MARCHF1: variants seen among roughly 807,000 people sequenced by gnomAD.
The protein encoded by MARCHF1 is E3 ubiquitin-protein ligase MARCHF1.
In MARCHF1, 40 loss-of-function variants were observed where a neutral mutation model predicts 54.2. The ratio of observed to expected loss-of-function variants is 0.74; its 90% CI spans 0.57 to 0.96. The LOEUF (loss-of-function observed/expected upper bound fraction) is 0.96. Among genes scored for constraint, MARCHF1 ranks in the 40% least tolerant of loss-of-function variants. The probability of loss-of-function intolerance (pLI) is 0.00; values close to 1 mark genes in which losing one functional copy is unlikely to be tolerated. For missense variants in MARCHF1, 586 were observed against 656.5 expected, an observed-to-expected ratio of 0.89 and a Z score of 1.17; for synonymous variants, 236 against 236.3, an observed-to-expected ratio of 1.00 and a Z score of 0.01.
intron 3 of MARCHF1, among the ~76,000 whole-genome samples, chr4:163,935,698 CTTTCTTTTTTT>C (rs1751779075): frequency 1.1e-5 from 1 of 87,124 alleles, no homozygotes; most frequent in African/African-American, 4.3e-5. Flanking sequence ...GTTTTGCTTG[CTTTCTTTTTTT>C]TTTTTTTTTT....
chr4:164,176,980 C>CTATA lies in MARCHF1; in HGVS notation c.-322-65322_-322-65319dup, dbSNP rs71595261. On this transcript the variant is annotated intron_variant, in intron 1 of 9. Coordinates refer to ENST00000514618, the MANE Select transcript of MARCHF1 (RefSeq NM_001394959.1). ...TCTCTCTCTCTCTCTCTCTCTCTCT[C>CTATA]TATATATATATATATATATATATAT... 1.0e-3 allele frequency among the ~76,000 whole-genome samples: 59 copies of CTATA among 58,874 alleles called. 1 individual carries two copies. The highest frequency in any genetic ancestry group is 4.0e-3 in the East Asian group (8 of 1,976). The allele number at this position is 58,874 out of a possible 152,430, so 38.6% of individuals were successfully genotyped here. A position where few individuals can be genotyped will look rare whatever the true frequency, so the allele number is the denominator to read the frequency against.
At chr4:163,956,571 T>C (rs1752237286) in intron 3 of MARCHF1, among the ~76,000 whole-genome samples, 2 of 152,076 alleles carry the variant, frequency 1.3e-5, no homozygotes, top group Admixed American at 1.3e-4. Context: ...GTGGAACATT[T>C]TTCTTTAAAG....
At chr4:163,744,245 C>A (rs1054666813) in intron 4 of MARCHF1, among the ~76,000 whole-genome samples, 1 of 152,046 alleles carries the variant, frequency 6.6e-6, no homozygotes, top group African/African-American at 2.4e-5. Context: ...ATTTTCGAAC[C>A]AATTTTTTTT....
At chr4:163,809,972 T>C (rs917403138) in intron 4 of MARCHF1, among the ~76,000 whole-genome samples, 1 of 152,114 alleles carries the variant, frequency 6.6e-6, no homozygotes, top group Non-Finnish European at 1.5e-5. Flanking sequence ...TCTTTGGTAC[T>C]GTATCCTGTA....
At position 163,528,766 on chromosome 4, in the gene MARCHF1, A is replaced by AG. The variant is rs748702867; in HGVS notation, c.1619dup (p.Glu541Ter). 77 of 1,611,210 alleles carry AG rather than the reference A, an allele frequency of 4.8e-5. No homozygotes were observed. Among genetic ancestry groups the AG allele is most frequent in the Admixed American group, 2.5e-4 (15 of 59,822 alleles). On this transcript the variant is annotated frameshift_variant, in exon 10 of 10. Transcript: ENST00000514618. LOFTEE classifies it high-confidence loss of function. ...GGTTCCATCAGACTGATACAACTTC[A>AG]GGGGGGCCACCCTCTGCAGATGGCA...
intron 5 of MARCHF1, among the ~76,000 whole-genome samples, chr4:163,655,012 C>T (rs1743091494): frequency 2.0e-5 from 3 of 151,442 alleles, no homozygotes; most frequent in Admixed American, 1.3e-4. Flanking sequence ...AATTTATGTA[C>T]GTCTCTCCTT....
chr4:164,362,058 G>A (rs1204825549), intron 1 of MARCHF1, among the ~76,000 whole-genome samples: 1 of 151,904 alleles, frequency 6.6e-6, no homozygotes, highest in African/African-American at 2.4e-5. Flanking sequence ...TTTTCCCTCA[G>A]TAAACACCAA....
chr4:164,002,659 G>C (rs1240822276), intron 2 of MARCHF1, among the ~76,000 whole-genome samples: 1 of 151,710 alleles, frequency 6.6e-6, no homozygotes, highest in Non-Finnish European at 1.5e-5. Context: ...ACGAAATAGT[G>C]TTTGAAAATT....
At chr4:163,857,568 G>A (rs1444016493) in intron 3 of MARCHF1, among the ~76,000 whole-genome samples, 1 of 152,132 alleles carries the variant, frequency 6.6e-6, no homozygotes, top group African/African-American at 2.4e-5. Context: ...ATACAGCAAT[G>A]AGCAACTTAT....
In MARCHF1 at chr4:164,367,996, G is replaced by GA. The variant is rs1284289756; in HGVS notation, c.-323+15873dup. ...AATACACCCCTTGAAGTACACATCA[G>GA]AAAAGATAAAAATGTTAATGAGCTA... On this transcript the variant is annotated intron_variant, in intron 1 of 9. Transcript: ENST00000514618. Among the ~76,000 whole-genome samples the GA allele has an allele frequency of 3.4e-5, 5 of 146,038 alleles. No individual in the cohort carries two copies. In the East Asian group the frequency reaches 1.0e-3, roughly 30 times the overall value.
intron 1 of MARCHF1, among the ~76,000 whole-genome samples, chr4:164,327,913 T>A (rs543628372): frequency 6.6e-6 from 1 of 152,184 alleles, no homozygotes; most frequent in South Asian, 2.1e-4. Context: ...AGGTATGTCA[T>A]ATGTGGGTTG....
intron 3 of MARCHF1, among the ~76,000 whole-genome samples, chr4:163,872,992 C>A (rs1477016796): frequency 6.6e-6 from 1 of 151,692 alleles, no homozygotes; most frequent in Middle Eastern, 3.4e-3. Flanking sequence ...TGCAGTGAGC[C>A]GAGATCGCGC....
At chr4:163,973,112 C>A (rs1269067059) in intron 3 of MARCHF1, among the ~76,000 whole-genome samples, 2 of 152,144 alleles carry the variant, frequency 1.3e-5, no homozygotes, top group African/African-American at 2.4e-5. Flanking sequence ...CTATCAGAAC[C>A]AGCTGTACAA....
At chr4:163,735,459 T>C (rs748456266) in intron 4 of MARCHF1, among the ~76,000 whole-genome samples, 1 of 152,160 alleles carries the variant, frequency 6.6e-6, no homozygotes, top group Non-Finnish European at 1.5e-5. Flanking sequence ...TTGGTTTGTG[T>C]TGCTATAACA....
intron 5 of MARCHF1, among the ~76,000 whole-genome samples, chr4:163,650,862 C>T (rs1390409724): frequency 2.6e-5 from 4 of 151,814 alleles, no homozygotes; most frequent in African/African-American, 7.3e-5. Flanking sequence ...GATATGTTGT[C>T]GTCGTAGAAA....
intron 3 of MARCHF1, among the ~76,000 whole-genome samples, chr4:163,928,854 T>G (rs1751594513): frequency 6.6e-6 from 1 of 151,864 alleles, no homozygotes. Flanking sequence ...AATATATTAT[T>G]TTCTTAATAT....
intron 1 of MARCHF1, among the ~76,000 whole-genome samples, chr4:164,345,398 C>T (rs1227766149): frequency 6.6e-6 from 1 of 151,836 alleles, no homozygotes; most frequent in Non-Finnish European, 1.5e-5. Context: ...GAATCCCTGT[C>T]CTATCTCTAC....
At chr4:163,735,262 A>G (rs1351419243) in intron 4 of MARCHF1, among the ~76,000 whole-genome samples, 2 of 151,982 alleles carry the variant, frequency 1.3e-5, no homozygotes, top group Non-Finnish European at 2.9e-5. Flanking sequence ...TCTTATCACC[A>G]CCTGGTATTA....
intron 5 of MARCHF1, among the ~76,000 whole-genome samples, chr4:163,686,084 C>A (rs1260128454): frequency 6.6e-6 from 1 of 152,108 alleles, no homozygotes; most frequent in Admixed American, 6.5e-5. Flanking sequence ...TACTGGAATG[C>A]TTAACACATA....
Sources: allele counts gnomAD v4.1 joint callset (sites outside exome capture counted in the v4.1 genomes callset), GRCh38; gene constraint gnomAD v4.1.1; transcripts MANE v1.5; gene names NCBI Gene and HGNC (gene_info 2026-07-23, HGNC 2026-07-21).